CCR3: variants seen among roughly 807,000 people sequenced by gnomAD.
CCR3 encodes C-C chemokine receptor type 3.
For missense variants in CCR3, 419 were observed against 437.5 expected (o/e 0.96, Z 0.38); for synonymous variants, 203 against 179.2 (o/e 1.13, Z -1.06).
chr3:46,217,683 C>T (rs974792578), intron 2 of CCR3, among the ~76,000 whole-genome samples: 1 of 151,950 alleles, frequency 6.6e-6, no homozygotes, highest in Non-Finnish European at 1.5e-5. Context: ...TACACAAATA[C>T]ATGGAAATTA....
At chr3:46,257,254 A>G (rs1700444775) in intron 1 of CCR3, among the ~76,000 whole-genome samples, 2 of 152,196 alleles carry the variant, frequency 1.3e-5, no homozygotes, top group South Asian at 4.2e-4. Context: ...TTGTATTTGG[A>G]GAGTCGTTGT....
At chr3:46,251,829 G>A (rs1311447000) in intron 1 of CCR3, among the ~76,000 whole-genome samples, 1 of 151,998 alleles carries the variant, frequency 6.6e-6, no homozygotes, top group African/African-American at 2.4e-5. Flanking sequence ...GCTCAGTGGG[G>A]GTGATTTAAA....
intron 1 of CCR3, 93 bp downstream of exon 1, chr3:46,242,631 G>C (rs980499463): frequency 8.4e-6 from 1 of 119,576 alleles, no homozygotes; most frequent in African/African-American, 3.2e-5. Context: ...TTGGATCTAG[G>C]AGGGAGGAGA....
intron 1 of CCR3, among the ~76,000 whole-genome samples, chr3:46,245,193 G>A (rs976692331): frequency 2.6e-5 from 4 of 152,036 alleles, no homozygotes; most frequent in South Asian, 4.2e-4. Context: ...GGAAATGTTT[G>A]TGGCTGGAAA....
At chr3:46,225,266 T>C (rs1699881577) in intron 2 of CCR3, among the ~76,000 whole-genome samples, 1 of 152,312 alleles carries the variant, frequency 6.6e-6, no homozygotes, top group South Asian at 2.1e-4. Context: ...TCTAGTAATG[T>C]CTTGACTGGT....
chr3:46,266,108 A>G lies in CCR3; in HGVS notation c.950A>G (p.His317Arg). 6.2e-7 allele frequency: 1 copy of G among 1,614,034 alleles called. No homozygotes were observed. The highest frequency in any genetic ancestry group is 8.5e-7 in the Non-Finnish European group (1 of 1,179,972). Reference sequence around the variant, plus strand: ...CGGAAGTACCTGCGCCACTTCTTCCACAGGCACTTGCTCATGCACCTGGGC... The same window carrying G: ...CGGAAGTACCTGCGCCACTTCTTCCGCAGGCACTTGCTCATGCACCTGGGC... ...RFRKYLRHFF[H>R]RHLLMHLGRY... The change falls in exon 2 of 2, where the codon CAC (histidine) becomes CGC (arginine). Residue 317 changes from histidine (H) to arginine (R), a missense_variant. Coordinates refer to ENST00000395940, the MANE Select transcript of CCR3 (RefSeq NM_178329.3).
chr3:46,234,311 G>A (rs1699999993), intron 2 of CCR3, among the ~76,000 whole-genome samples: 1 of 152,052 alleles, frequency 6.6e-6, no homozygotes, highest in African/African-American at 2.4e-5. Context: ...AAATGTATTG[G>A]GATGGATTCA....
chr3:46,226,015 C>A (rs996540109), intron 2 of CCR3, among the ~76,000 whole-genome samples: 3 of 152,124 alleles, frequency 2.0e-5, no homozygotes, highest in Non-Finnish European at 2.9e-5. Context: ...GTTCTGAGTT[C>A]TCTATTTGTT....
upstream of CCR3, among the ~76,000 whole-genome samples, chr3:46,240,028 G>C (rs573061366): frequency 6.6e-6 from 1 of 152,124 alleles, no homozygotes; most frequent in African/African-American, 2.4e-5. Flanking sequence ...TCCACTCTTT[G>C]CTCCATGCCC....
At chr3:46,251,734 T>C (rs1179942404) in intron 1 of CCR3, among the ~76,000 whole-genome samples, 3 of 152,044 alleles carry the variant, frequency 2.0e-5, no homozygotes, top group African/African-American at 7.2e-5. Flanking sequence ...AGGGTGGGGC[T>C]GTTTTATAGG....
intron 1 of CCR3, among the ~76,000 whole-genome samples, chr3:46,254,115 C>T (rs2125932076): frequency 6.6e-6 from 1 of 152,258 alleles, no homozygotes; most frequent in East Asian, 1.9e-4. Context: ...AGCCACCACT[C>T]AAGAACACCC....
At chr3:46,234,696 C>T (rs1331796387) in intron 2 of CCR3, among the ~76,000 whole-genome samples, 1 of 152,228 alleles carries the variant, frequency 6.6e-6, no homozygotes, top group African/African-American at 2.4e-5. Context: ...ATCTGAGTCA[C>T]TGCTGAATTC....
At chr3:46,254,489 T>A (rs200177510) in intron 1 of CCR3, among the ~76,000 whole-genome samples, 50 of 151,556 alleles carry the variant, frequency 3.3e-4, no homozygotes, top group East Asian at 2.9e-3. Flanking sequence ...AGTTCTTTTT[T>A]AAAAAAAAAT....
chr3:46,239,253 A>C (rs985297033), upstream of CCR3, among the ~76,000 whole-genome samples: 1 of 152,252 alleles, frequency 6.6e-6, no homozygotes, highest in Non-Finnish European at 1.5e-5. Flanking sequence ...CTTGCGAATT[A>C]GCTATTAAAA....
intron 1 of CCR3, among the ~76,000 whole-genome samples, chr3:46,258,559 G>A (rs1250495983): frequency 1.3e-5 from 2 of 151,990 alleles, no homozygotes; most frequent in South Asian, 2.1e-4. Context: ...CCCCACTTTT[G>A]GTCATCCTCT....
intron 1 of CCR3, among the ~76,000 whole-genome samples, chr3:46,256,667 G>T (rs1046292917): frequency 6.6e-6 from 1 of 152,076 alleles, no homozygotes; most frequent in Admixed American, 6.6e-5. Context: ...AATAAATAGT[G>T]TCAAAATTTT....
chr3:46,215,567 T>C (rs1699764563), intron 2 of CCR3, among the ~76,000 whole-genome samples: 1 of 152,184 alleles, frequency 6.6e-6, no homozygotes, highest in Non-Finnish European at 1.5e-5. Flanking sequence ...AGTCTGCATT[T>C]TTATCAGATC....
At position 46,223,178 on chromosome 3, in the gene CCR3, C is replaced by G. The variant is rs543239452; in HGVS notation, c.-68+12271C>G. Reference sequence around the variant, plus strand: ...ACCAGCCTGGCCAATGTGGTGAAACCCTGTCTCTACTAAAAATACAAAAAT... The same window carrying G: ...ACCAGCCTGGCCAATGTGGTGAAACGCTGTCTCTACTAAAAATACAAAAAT... On this transcript the variant is annotated intron_variant, in intron 2 of 3. Transcript: ENST00000357422. 5.9e-5 allele frequency among the ~76,000 whole-genome samples: 9 copies of G among 152,208 alleles called. No homozygotes were observed. In the South Asian group the frequency reaches 1.7e-3, roughly 28 times the overall value.
At chr3:46,258,613 C>T (rs1700469754) in intron 1 of CCR3, among the ~76,000 whole-genome samples, 1 of 152,144 alleles carries the variant, frequency 6.6e-6, no homozygotes, top group South Asian at 2.1e-4. Flanking sequence ...TTGGTTACTA[C>T]ATGTTGCTTT....
Sources: allele counts gnomAD v4.1 joint callset (sites outside exome capture counted in the v4.1 genomes callset), GRCh38; gene constraint gnomAD v4.1.1; transcripts MANE v1.5; gene names NCBI Gene and HGNC (gene_info 2026-07-23, HGNC 2026-07-21).